The following MFSD8 variants were observed in gnomAD, a reference collection of about 807,000 sequenced individuals.
MFSD8 encodes major facilitator superfamily domain containing 8.
MFSD8 carries 55 observed loss-of-function variants against 66.4 expected under a neutral mutation model. The observed-to-expected ratio is 0.83, with a 90% CI of 0.67 to 1.04. MFSD8 has a LOEUF of 1.04. MFSD8 is among the 50% of genes least tolerant of loss of function. MFSD8 has a pLI of 0.00. For missense variants in MFSD8, 550 were observed against 627.6 expected, an observed-to-expected ratio of 0.88 and a Z score of 1.32; for synonymous variants, 202 against 212.8, an observed-to-expected ratio of 0.95 and a Z score of 0.44.
intron 2 of MFSD8, 132 bp downstream of exon 2, chr4:127,957,369 C>G: frequency 2.9e-6 from 2 of 685,852 alleles, no homozygotes; most frequent in Non-Finnish European, 5.1e-6. Context: ...TATGGTAACA[C>G]GGTAAATTTA....
chr4:127,947,335 C>G (rs559675693), intron 3 of MFSD8, among the ~76,000 whole-genome samples: 4 of 152,030 alleles, frequency 2.6e-5, no homozygotes, highest in African/African-American at 9.6e-5. Context: ...AATCCCAGCA[C>G]TTTGGGAGGC....
rs758095101 is a variant in MFSD8 at position 127,920,796 on chromosome 4, G to A, written c.1391C>T (p.Ala464Val). The A allele has an allele frequency of 1.9e-6, 3 of 1,613,902 alleles. No homozygotes were observed. The East Asian group carries it at 6.7e-5, about 36-fold the overall frequency. ...MGWLTASGSGARILGPMFISQ... is the reference protein window; with the variant it reads ...MGWLTASGSGVRILGPMFISQ... ...GATGAACATAGGCCCAAGAATCCGG[G>A]CTCCACTTCCAGATGCTGTTAACCA... is the stretch of plus-strand genomic sequence containing the variant. The change falls in exon 12 of 12, where the codon GCC becomes GTC. Residue 464 changes from alanine to valine, a missense_variant. Transcript: ENST00000641686.
rs112551621 is a variant in MFSD8 at position 127,934,184 on chromosome 4, G to C, written c.755-1091C>G. 5.5e-3 allele frequency among the ~76,000 whole-genome samples: 839 copies of C among 152,330 alleles called. 13 individuals are homozygous for C. Among genetic ancestry groups the C allele is most frequent in the African/African-American group, 0.019 (795 of 41,570 alleles). Reference sequence around the variant, plus strand: ...CTTTAACCAGGAGACTGAGGTTGCAGTGAGCCAAGATTGAGCCACTGCACT... The same window carrying C: ...CTTTAACCAGGAGACTGAGGTTGCACTGAGCCAAGATTGAGCCACTGCACT... On this transcript the variant is annotated intron_variant, in intron 7 of 11. Coordinates refer to ENST00000641686, the MANE Select transcript of MFSD8 (RefSeq NM_001371596.2).
At position 127,920,840 on chromosome 4, in the gene MFSD8, T is replaced by C; in HGVS notation, c.1351-4A>G. Reference sequence around the variant, plus strand: ...TTAACCAGCCCATGTATACACCCTGTTGGGGGTGAAATGGAGGACAAGCAG... The same window carrying C: ...TTAACCAGCCCATGTATACACCCTGCTGGGGGTGAAATGGAGGACAAGCAG... On this transcript the variant is annotated splice_region_variant and splice_polypyrimidine_tract_variant and intron_variant, in intron 11 of 11. Coordinates refer to ENST00000641686, the MANE Select transcript of MFSD8 (RefSeq NM_001371596.2). 2 of 1,613,102 alleles carry C rather than the reference T, an allele frequency of 1.2e-6. No individual in the cohort carries two copies. The highest frequency in any genetic ancestry group is 1.7e-6 in the Non-Finnish European group (2 of 1,179,640).
At chr4:127,960,517 G>A (rs966640091) in intron 1 of MFSD8, among the ~76,000 whole-genome samples, 1 of 151,964 alleles carries the variant, frequency 6.6e-6, no homozygotes, top group Non-Finnish European at 1.5e-5. Context: ...GCAACAGACA[G>A]TCTGTCTCAA....
chr4:127,960,970 C>G lies in MFSD8; in HGVS notation c.63-3378G>C, dbSNP rs116091342. On this transcript the variant is annotated intron_variant, in intron 1 of 11. Transcript: ENST00000641686. ...CCTATATAATATCCTTGATTTTTCC[C>G]CTTGCCCTAAACAAGCCTAAAATAT... Among the ~76,000 whole-genome samples, 786 of 152,080 alleles carry G rather than the reference C, an allele frequency of 5.2e-3. 8 individuals carry two copies. The highest frequency in any genetic ancestry group is 0.018 in the African/African-American group (758 of 41,488).
chr4:127,964,192 G>A lies in MFSD8; in HGVS notation c.62+880C>T, dbSNP rs549347315. Among the ~76,000 whole-genome samples, 7 of 152,280 alleles carry A rather than the reference G, an allele frequency of 4.6e-5. No homozygotes were observed. The South Asian group carries it at 1.0e-3, about 23-fold the overall frequency. On this transcript the variant is annotated intron_variant, in intron 1 of 11. Transcript: ENST00000641686. ...GGCTTCGCCCAGTGGATCCCGCACC[G>A]GGGCTGCAGGTGGAGCTGCCTGCCA...
intron 7 of MFSD8, among the ~76,000 whole-genome samples, chr4:127,934,248 T>C (rs939903627): frequency 2.6e-5 from 4 of 151,938 alleles, no homozygotes; most frequent in African/African-American, 9.7e-5. Flanking sequence ...AAAAAATAAA[T>C]AAATAAATAA....
At chr4:127,921,347 C>A in intron 11 of MFSD8, 177 bp downstream of exon 11, 1 of 1,075,746 alleles carries the variant, frequency 9.3e-7, no homozygotes. Flanking sequence ...CTATAACCCA[C>A]ATAACCTACC....
At chr4:127,965,050 C>A (rs1282491206) in intron 1 of MFSD8, 22 bp downstream of exon 1, 1 of 1,612,256 alleles carries the variant, frequency 6.2e-7, no homozygotes, top group South Asian at 1.1e-5. Context: ...ACTGAGGGGT[C>A]CCTCCACCAG....
chr4:127,963,769 A>C (rs1206727264), intron 1 of MFSD8, among the ~76,000 whole-genome samples: 1 of 152,228 alleles, frequency 6.6e-6, no homozygotes, highest in African/African-American at 2.4e-5. Flanking sequence ...ACACTGTGGA[A>C]AGGGACCTCA....
chr4:127,939,926 T>C lies in MFSD8; in HGVS notation c.625A>G (p.Met209Val). The change falls in exon 6 of 12, where the codon ATG (methionine) becomes GTG (valine). Residue 209 changes from methionine to valine, a missense_variant. Met to Val is a conservative substitution (Grantham distance 21, BLOSUM62 1). Coordinates refer to ENST00000641686, the MANE Select transcript of MFSD8 (RefSeq NM_001371596.2). ...TWDVIKLQINMYTTPVLLSAF... is the reference protein window; with the variant it reads ...TWDVIKLQINVYTTPVLLSAF... ...CTAAGTAAAACTGGTGTTGTATACA[T>C]GTTTATCTGCAGTTTAATCACATCC... The C allele has an allele frequency of 1.2e-6, 2 of 1,613,662 alleles. No homozygotes were observed. The highest frequency in any genetic ancestry group is 1.7e-6 in the Non-Finnish European group (2 of 1,179,726).
chr4:127,933,037 C>T lies in MFSD8; in HGVS notation c.811G>A (p.Ala271Thr), dbSNP rs762117279. The T allele has an allele frequency of 3.7e-6, 6 of 1,613,760 alleles. No individual in the cohort carries two copies. Among genetic ancestry groups the T allele is most frequent in the Non-Finnish European group, 5.1e-6 (6 of 1,179,868 alleles). The change falls in exon 8 of 12, where the codon GCC becomes ACC. Residue 271 changes from alanine to threonine, a missense_variant. Coordinates refer to ENST00000641686, the MANE Select transcript of MFSD8 (RefSeq NM_001371596.2). ...QGNIDQVAVV[A>T]INVLFFVTLF... ...GTCACAAAAAACAGAACATTGATGG[C>T]CACAACAGCAACCTGGTCAATATTT...
At chr4:127,921,296 A>G (rs1344992501) in intron 11 of MFSD8, 1 of 704,872 alleles carries the variant, frequency 1.4e-6, no homozygotes. Flanking sequence ...GCCACTTTAC[A>G]CTCTACCACA....
chr4:127,963,181 C>T (rs976162016), intron 1 of MFSD8, among the ~76,000 whole-genome samples: 3 of 152,160 alleles, frequency 2.0e-5, no homozygotes, highest in Non-Finnish European at 2.9e-5. Context: ...GTACATTTGG[C>T]ATAGGACAAA....
intron 2 of MFSD8, among the ~76,000 whole-genome samples, chr4:127,951,009 A>G (rs1464830118): frequency 2.0e-5 from 3 of 151,900 alleles, no homozygotes; most frequent in Non-Finnish European, 4.4e-5. Flanking sequence ...GTAGTGAGCC[A>G]AGATTGCACC....
At chr4:127,964,602 TC>T (rs759712607) in intron 1 of MFSD8, 28 of 180,644 alleles carry the variant, frequency 1.6e-4, no homozygotes, top group Non-Finnish European at 2.9e-4. Context: ...CAGCCCCGGT[TC>T]CCGCTCACGC....
chr4:127,937,890 C>T (rs1739334355), intron 7 of MFSD8, among the ~76,000 whole-genome samples: 1 of 152,134 alleles, frequency 6.6e-6, no homozygotes, highest in Non-Finnish European at 1.5e-5. Context: ...TATGTCTTTT[C>T]CACAACTTTA....
intron 3 of MFSD8, among the ~76,000 whole-genome samples, chr4:127,949,255 A>G (rs959581600): frequency 6.6e-6 from 1 of 152,216 alleles, no homozygotes; most frequent in Admixed American, 6.5e-5. Context: ...GAGATTTAAG[A>G]TAGAACTGAC....
Sources: allele counts gnomAD v4.1 joint callset (sites outside exome capture counted in the v4.1 genomes callset), GRCh38; gene constraint gnomAD v4.1.1; transcripts MANE v1.5; gene names NCBI Gene and HGNC (gene_info 2026-07-23, HGNC 2026-07-21).